PBX3: variants seen among roughly 807,000 people sequenced by gnomAD.
PBX3 encodes the protein PBX homeobox 3, also known as pre-B-cell leukemia transcription factor 3.
Under a neutral mutation model 48.5 loss-of-function variants are expected in PBX3, and 14 were observed. The ratio of observed to expected loss-of-function variants is 0.29; its 90% CI spans 0.19 to 0.45. PBX3 has a LOEUF of 0.45. Ranked by LOEUF, PBX3 falls within the 20% of genes least tolerant of loss-of-function variation. The probability of loss-of-function intolerance (pLI) is 1.00; values close to 1 mark genes in which losing one functional copy is unlikely to be tolerated. For missense variants in PBX3, 386 were observed against 546.7 expected (o/e 0.71, Z 2.93); for synonymous variants, 210 against 200.3 (o/e 1.05, Z -0.41).
chr9:125,788,899 G>A, intron 2 of PBX3, among the ~76,000 whole-genome samples: 1 of 151,460 alleles, frequency 6.6e-6, no homozygotes, highest in Admixed American at 6.6e-5. Flanking sequence ...AAAGCTTGCT[G>A]TGTAGCCTTC....
intron 5 of PBX3, chr9:125,949,482 G>A (rs913396716): frequency 3.2e-5 from 50 of 1,550,000 alleles, no homozygotes; most frequent in Non-Finnish European, 4.4e-5. Context: ...GCCAGGGAGG[G>A]GCATGAGGGT....
chr9:125,904,060 G>T (rs1479271460), intron 2 of PBX3, among the ~76,000 whole-genome samples: 1 of 151,652 alleles, frequency 6.6e-6, no homozygotes, highest in Non-Finnish European at 1.5e-5. Context: ...AAAAATGTGA[G>T]GTCTTATTAT....
chr9:125,789,937 A>T (rs1837553745), intron 2 of PBX3, among the ~76,000 whole-genome samples: 1 of 152,194 alleles, frequency 6.6e-6, no homozygotes, highest in South Asian at 2.1e-4. Flanking sequence ...AGGATTGAGA[A>T]GAAATAGTGG....
intron 2 of PBX3, among the ~76,000 whole-genome samples, chr9:125,895,102 A>G (rs1840739257): frequency 6.6e-6 from 1 of 152,080 alleles, no homozygotes. Flanking sequence ...TGATTCTCTA[A>G]GATTTAATTG....
intron 5 of PBX3, among the ~76,000 whole-genome samples, chr9:125,938,693 A>G (rs1030318105): frequency 2.0e-5 from 3 of 152,182 alleles, no homozygotes; most frequent in Admixed American, 2.0e-4. Flanking sequence ...AACGTCCAAG[A>G]AAGGCCAGGG....
At chr9:125,835,015 CAAAAAAAAAAAAAAAAAAAAAA>C (rs745638368) in intron 2 of PBX3, among the ~76,000 whole-genome samples, 22 of 25,174 alleles carry the variant, frequency 8.7e-4, no homozygotes, top group African/African-American at 1.1e-3. Flanking sequence ...AACTCTGTCT[CAAAAAAAAAAAAAAAAAAAAAA>C]AAAAAAAAAA....
intron 2 of PBX3, among the ~76,000 whole-genome samples, chr9:125,786,429 GA>G (rs1837459033): frequency 6.6e-6 from 1 of 152,190 alleles, no homozygotes; most frequent in East Asian, 1.9e-4. Flanking sequence ...TATTTTAGTA[GA>G]ATGGTGACAT....
intron 4 of PBX3, among the ~76,000 whole-genome samples, chr9:125,932,431 T>C (rs937936641): frequency 2.0e-5 from 3 of 152,216 alleles, no homozygotes; most frequent in East Asian, 1.9e-4. Context: ...CACAGTGTCA[T>C]TGAAAGCAAC....
intron 2 of PBX3, among the ~76,000 whole-genome samples, chr9:125,823,905 A>C (rs545817815): frequency 2.1e-4 from 32 of 152,082 alleles, no homozygotes; most frequent in African/African-American, 7.5e-4. Context: ...GTGAAACCCC[A>C]TCTCTACCAA....
chr9:125,899,452 T>TAGAGAGAGAGAG (rs1218388914), intron 2 of PBX3, among the ~76,000 whole-genome samples: 4 of 89,068 alleles, frequency 4.5e-5, no homozygotes, highest in Non-Finnish European at 4.5e-5. Context: ...TATATATATA[T>TAGAGAGAGAGAG]ATAGAGAGAG....
chr9:125,762,075 G>A (rs10819067), intron 2 of PBX3, among the ~76,000 whole-genome samples: 8,979 of 152,222 alleles, frequency 0.059, 608 homozygotes, highest in East Asian at 0.17. Context: ...TTGCAATAGT[G>A]AATGTTGTAA....
chr9:125,959,892 A>C (rs1427467297), intron 5 of PBX3, among the ~76,000 whole-genome samples: 1 of 152,096 alleles, frequency 6.6e-6, no homozygotes, highest in East Asian at 1.9e-4. Flanking sequence ...GCCTGAATAC[A>C]TTGTAACTCT....
intron 2 of PBX3, among the ~76,000 whole-genome samples, chr9:125,888,927 T>C (rs982093691): frequency 1.3e-5 from 2 of 152,168 alleles, no homozygotes; most frequent in African/African-American, 4.8e-5. Flanking sequence ...TTCTGGATGA[T>C]TATGAGTATG....
chr9:125,933,284 CGAA>C (rs1431073526), intron 4 of PBX3, among the ~76,000 whole-genome samples: 1 of 152,176 alleles, frequency 6.6e-6, no homozygotes, highest in African/African-American at 2.4e-5. Context: ...TTGGACAAGA[CGAA>C]GCATGCACCA....
chr9:125,929,872 T>C lies in PBX3; in HGVS notation c.707+27T>C, dbSNP rs375563900. The C allele has an allele frequency of 3.2e-6, 5 of 1,539,256 alleles. No individual in the cohort carries two copies. The African/African-American group carries it at 6.8e-5, about 21-fold the overall frequency. ...TATGTGAAGCCATAAATCTATTGCA[T>C]GGCTTTCCCCCGTCTGTCACTCCTT... On this transcript the variant is annotated intron_variant, in intron 4 of 8. Transcript: ENST00000373489.
chr9:125,939,973 G>C (rs1325752946), intron 5 of PBX3, among the ~76,000 whole-genome samples: 1 of 152,152 alleles, frequency 6.6e-6, no homozygotes, highest in Non-Finnish European at 1.5e-5. Flanking sequence ...TGGGAGGCCA[G>C]GAGTTTGAGA....
chr9:125,772,676 T>C (rs1836970168), intron 2 of PBX3, among the ~76,000 whole-genome samples: 2 of 152,258 alleles, frequency 1.3e-5, no homozygotes, highest in South Asian at 4.1e-4. Flanking sequence ...TAGAGGTGAA[T>C]GTATGTACAG....
chr9:125,784,838 CT>C (rs35351897), intron 2 of PBX3, among the ~76,000 whole-genome samples: 77,776 of 151,996 alleles, frequency 0.51, 21,629 homozygotes, highest in South Asian at 0.63. Flanking sequence ...TTAGTTTTTA[CT>C]TTCTGTTTGT....
chr9:125,835,191 A>T (rs1303028250), intron 2 of PBX3, among the ~76,000 whole-genome samples: 2 of 152,168 alleles, frequency 1.3e-5, no homozygotes, highest in Admixed American at 6.5e-5. Context: ...TGCCAGGCAC[A>T]GTTCTAGGCA....
Sources: allele counts gnomAD v4.1 joint callset (sites outside exome capture counted in the v4.1 genomes callset), GRCh38; gene constraint gnomAD v4.1.1; transcripts MANE v1.5; gene names NCBI Gene and HGNC (gene_info 2026-07-23, HGNC 2026-07-21).